The following TBL1X variants were observed in gnomAD, a reference collection of about 807,000 sequenced individuals.
TBL1X encodes transducin beta like 1 X-linked.
A neutral mutation model predicts 50.7 loss-of-function variants in TBL1X; 10 were observed. That is an observed-to-expected ratio of 0.20 (90% CI 0.12 to 0.33). The LOEUF (loss-of-function observed/expected upper bound fraction) is 0.33, where lower values mean the gene tolerates loss of function less well. Among genes scored for constraint, TBL1X ranks in the 10% least tolerant of loss-of-function variants. TBL1X has a pLI of 1.00. For missense variants in TBL1X, 340 were observed against 504.4 expected (o/e 0.67, Z 3.12); for synonymous variants, 190 against 214.7 (o/e 0.88, Z 1.01).
chrX:9,640,536 C>A (rs1274865111), intron 3 of TBL1X, among the ~76,000 whole-genome samples, 176 bp downstream of exon 3: 1 of 112,550 alleles, frequency 8.9e-6, no homozygotes, highest in African/African-American at 3.2e-5. Flanking sequence ...ATCATTAAAT[C>A]ATTGCGAGCT....
At chrX:9,697,801 A>G (rs1258438415) in intron 12 of TBL1X, among the ~76,000 whole-genome samples, 3 of 112,045 alleles carry the variant, frequency 2.7e-5, no homozygotes, top group African/African-American at 9.7e-5. Flanking sequence ...ATCCAAAATT[A>G]GGCTGGGCAC....
intron 1 of TBL1X, among the ~76,000 whole-genome samples, chrX:9,493,595 C>G (rs1045286949): frequency 2.9e-4 from 32 of 110,562 alleles, no homozygotes; most frequent in African/African-American, 1.1e-3. Flanking sequence ...CATTCCATCT[C>G]TACTAAAAAT....
At chrX:9,607,364 A>G (rs763401311) in intron 2 of TBL1X, among the ~76,000 whole-genome samples, 3 of 113,268 alleles carry the variant, frequency 2.6e-5, no homozygotes, top group Non-Finnish European at 3.7e-5. Context: ...TACATTTTCT[A>G]GACAAGGCAG....
intron 7 of TBL1X, among the ~76,000 whole-genome samples, chrX:9,689,042 G>A (rs1282812945): frequency 5.3e-5 from 6 of 113,712 alleles, no homozygotes; most frequent in Non-Finnish European, 7.5e-5. Flanking sequence ...GTGCGTGCAC[G>A]CGTATATGCG....
At chrX:9,588,614 T>TC (rs1342883221) in intron 2 of TBL1X, among the ~76,000 whole-genome samples, 1 of 108,781 alleles carries the variant, frequency 9.2e-6, no homozygotes, top group East Asian at 2.9e-4. Flanking sequence ...TTGATTTTTT[T>TC]TTTTTCTTTT....
chrX:9,473,332 G>A (rs1452533508), intron 1 of TBL1X, among the ~76,000 whole-genome samples: 5 of 111,965 alleles, frequency 4.5e-5, no homozygotes, highest in East Asian at 2.8e-4. Flanking sequence ...CATTTGAATC[G>A]TACACAACTG....
intron 2 of TBL1X, among the ~76,000 whole-genome samples, chrX:9,634,081 G>A (rs1307511886): frequency 2.7e-5 from 3 of 111,837 alleles, no homozygotes; most frequent in Non-Finnish European, 3.8e-5. Context: ...GTGAGGTTGT[G>A]GGAGGTAGGA....
At chrX:9,474,658 A>G (rs995180607) in intron 1 of TBL1X, among the ~76,000 whole-genome samples, 5 of 113,096 alleles carry the variant, frequency 4.4e-5, no homozygotes, top group African/African-American at 1.6e-4. Flanking sequence ...GAACAATGCT[A>G]TGCTTTTTAA....
At chrX:9,540,635 G>C (rs759652562) in intron 2 of TBL1X, among the ~76,000 whole-genome samples, 1 of 112,816 alleles carries the variant, frequency 8.9e-6, no homozygotes, top group South Asian at 3.6e-4. Context: ...TGCTGACTTA[G>C]GAAGAGCAAA....
chrX:9,622,663 G>C (rs984981423), intron 2 of TBL1X, among the ~76,000 whole-genome samples: 3 of 110,989 alleles, frequency 2.7e-5, no homozygotes, highest in African/African-American at 9.8e-5. Context: ...TTGTTTCTTT[G>C]TTTGTTTTTT....
At chrX:9,570,137 A>G (rs919974565) in intron 2 of TBL1X, among the ~76,000 whole-genome samples, 1 of 112,463 alleles carries the variant, frequency 8.9e-6, no homozygotes, top group Non-Finnish European at 1.9e-5. Context: ...TCTCTGGCTG[A>G]TGAAAAGTCC....
intron 5 of TBL1X, among the ~76,000 whole-genome samples, chrX:9,661,362 A>G (rs2082897445): frequency 8.9e-6 from 1 of 111,822 alleles, no homozygotes; most frequent in African/African-American, 3.3e-5. Context: ...CAACCTGGGC[A>G]ATAAATACAA....
intron 1 of TBL1X, among the ~76,000 whole-genome samples, chrX:9,483,087 G>A (rs1171114178): frequency 9.0e-6 from 1 of 111,165 alleles, no homozygotes; most frequent in African/African-American, 3.3e-5. Context: ...GCCAGGGCTG[G>A]CCTCCTGAAG....
chrX:9,596,869 C>CTTCCTA (rs1210509936), intron 2 of TBL1X, among the ~76,000 whole-genome samples: 1 of 110,963 alleles, frequency 9.0e-6, no homozygotes, highest in Non-Finnish European at 1.9e-5. Context: ...ATAAGGATCC[C>CTTCCTA]AGGGAAGCCT....
chrX:9,571,504 C>T (rs1440737510), intron 2 of TBL1X, among the ~76,000 whole-genome samples: 2 of 111,352 alleles, frequency 1.8e-5, no homozygotes, highest in Admixed American at 1.9e-4. Flanking sequence ...AAGAATTCCC[C>T]GAGAAAAGAC....
At chrX:9,464,806 C>A (rs774442007), upstream of TBL1X, among the ~76,000 whole-genome samples, 1 of 110,337 alleles carries the variant, frequency 9.1e-6, no homozygotes, top group South Asian at 3.9e-4. Context: ...GGGAGCGGGG[C>A]GGGCTTGGTA....
intron 2 of TBL1X, among the ~76,000 whole-genome samples, chrX:9,609,411 G>GGTGTGTGTGT (rs749352901): frequency 2.0e-5 from 2 of 97,801 alleles, no homozygotes; most frequent in African/African-American, 7.6e-5. Flanking sequence ...TCCAGGTAGG[G>GGTGTGTGTGT]GTGTGTGTGT....
rs60668425 is a variant in TBL1X, at chrX:9,676,618, A to G, written c.212-7425A>G. On this transcript the variant is annotated intron_variant, in intron 5 of 17. Transcript: ENST00000645353. ...GTCCGAGGCAGCTTCATTTTACGCT[A>G]AATTCCATGTTATGGTGGGTCATCT... 7.7e-3 allele frequency among the ~76,000 whole-genome samples: 858 copies of G among 112,059 alleles called. 8 individuals carry two copies. The highest frequency in any genetic ancestry group is 0.026 in the African/African-American group (795 of 30,789).
At chrX:9,488,013 T>C (rs1365606076) in intron 1 of TBL1X, among the ~76,000 whole-genome samples, 1 of 111,928 alleles carries the variant, frequency 8.9e-6, no homozygotes, top group Non-Finnish European at 1.9e-5. Context: ...TGTCTGTGTT[T>C]GACCAAAATT....
Sources: allele counts gnomAD v4.1 joint callset (sites outside exome capture counted in the v4.1 genomes callset), GRCh38; gene constraint gnomAD v4.1.1; transcripts MANE v1.5; gene names NCBI Gene and HGNC (gene_info 2026-07-23, HGNC 2026-07-21).